Variants in PCDHAC1 observed in about 807,000 individuals in gnomAD.
PCDHAC1 encodes the protein protocadherin alpha-C1.
Under a neutral mutation model 60.0 loss-of-function variants are expected in PCDHAC1, and 42 were observed. The ratio of observed to expected loss-of-function variants is 0.70; its 90% confidence interval spans 0.55 to 0.90. PCDHAC1 has a LOEUF of 0.90. Ranked by LOEUF, PCDHAC1 falls within the 40% of genes least tolerant of loss-of-function variation. The pLI is 0.00. For missense variants in PCDHAC1, 1,160 were observed against 1,222.3 expected, an observed-to-expected ratio of 0.95 and a Z score of 0.76; for synonymous variants, 468 against 499.3, an observed-to-expected ratio of 0.94 and a Z score of 0.84.
rs1554203742 is a variant in PCDHAC1 at position 140,926,854 on chromosome 5, G to A, written c.-39G>A. 10 of 1,520,530 alleles carry A rather than the reference G, an allele frequency of 6.6e-6. No homozygotes were observed. In the South Asian group the frequency reaches 1.3e-4, roughly 20 times the overall value. The allele number at this position is 1,520,530 out of a possible 1,614,324, so 94.2% of individuals were successfully genotyped here. On this transcript the variant is annotated 5_prime_UTR_variant, in exon 1 of 4. The change creates a new upstream start codon in the 5' untranslated region. Transcript: ENST00000253807. Reference sequence around the variant, plus strand: ...GGAGCATGGTCCTGGGTCACCGTTGGTGTAGCGTGTTGGTGGAACGTGGAC... The same window carrying A: ...GGAGCATGGTCCTGGGTCACCGTTGATGTAGCGTGTTGGTGGAACGTGGAC...
intron 1 of PCDHAC1, among the ~76,000 whole-genome samples, chr5:140,933,444 A>T (rs1478759836): frequency 1.3e-5 from 2 of 152,184 alleles, no homozygotes; most frequent in African/African-American, 4.8e-5. Flanking sequence ...CTAATGACAT[A>T]CCTTCAAAAT....
chr5:140,990,754 G>A (rs3822343), intron 3 of PCDHAC1, among the ~76,000 whole-genome samples: 7,419 of 152,246 alleles, frequency 0.049, 237 homozygotes, highest in South Asian at 0.11. Flanking sequence ...GGATACCTTT[G>A]AGCCTGTAAA....
At chr5:141,005,868 G>T (rs1428789229) in intron 3 of PCDHAC1, among the ~76,000 whole-genome samples, 1 of 152,078 alleles carries the variant, frequency 6.6e-6, no homozygotes, top group African/African-American at 2.4e-5. Flanking sequence ...GGTCGATTGA[G>T]TCCAGGAGTT....
chr5:140,941,191 T>TTTCTTTCTTTCTTTC lies in PCDHAC1; in HGVS notation c.2433+11868_2433+11869insCTTTCTTTCTTTCTT, dbSNP rs1487503403. Among the ~76,000 whole-genome samples, 17 of 93,258 alleles carry TTTCTTTCTTTCTTTC rather than the reference T, an allele frequency of 1.8e-4. No individual in the cohort carries two copies. The South Asian group carries it at 2.0e-3, about 11-fold the overall frequency. The allele number at this position is 93,258 out of a possible 152,430, so 61.2% of individuals were successfully genotyped here. A position where few individuals can be genotyped will look rare whatever the true frequency, so the allele number is the denominator to read the frequency against. ...CATCTTGAACATCCTGCTTCTTTTT[T>TTTCTTTCTTTCTTTC]TTTCTTTCTTCCTTTCTTTCTTCCT... On this transcript the variant is annotated intron_variant, in intron 1 of 3. Coordinates refer to ENST00000253807, the MANE Select transcript of PCDHAC1 (RefSeq NM_018898.5).
intron 1 of PCDHAC1, among the ~76,000 whole-genome samples, chr5:140,971,037 TA>T (rs2096453416): frequency 1.3e-5 from 2 of 152,200 alleles, no homozygotes; most frequent in Admixed American, 6.5e-5. Context: ...TGAAAGCACG[TA>T]AAAGGGTTTA....
rs781875497 is a variant in PCDHAC1 at position 140,995,949 on chromosome 5, G to A, written c.2581+13386G>A. Among the ~76,000 whole-genome samples, 8 of 152,160 alleles carry A rather than the reference G, an allele frequency of 5.3e-5. No homozygotes were observed. In the East Asian group the frequency reaches 7.7e-4, roughly 15 times the overall value. ...GTAAGTATTAAATGACATAATGCACGCAAAATGCTTAGAACCATGCTTAGT... is the reference window on the plus strand; with the variant it reads ...GTAAGTATTAAATGACATAATGCACACAAAATGCTTAGAACCATGCTTAGT... On this transcript the variant is annotated intron_variant, in intron 3 of 3. Transcript: ENST00000253807.
chr5:140,954,909 T>C (rs1309101151), intron 1 of PCDHAC1, among the ~76,000 whole-genome samples: 3 of 152,164 alleles, frequency 2.0e-5, no homozygotes, highest in Admixed American at 6.5e-5. Flanking sequence ...TTTCATACTT[T>C]TATGAATTAC....
chr5:140,952,416 G>T (rs114343205), intron 1 of PCDHAC1, among the ~76,000 whole-genome samples: 1 of 151,730 alleles, frequency 6.6e-6, no homozygotes, highest in Non-Finnish European at 1.5e-5. Context: ...TTAATGTTCC[G>T]CAGATTCCTA....
rs2098421123 is a variant in PCDHAC1, at chr5:141,011,585, A to G, written c.*1648A>G. 6.5e-6 allele frequency: 1 copy of G among 153,746 alleles called. No individual in the cohort carries two copies. The highest frequency in any genetic ancestry group is 1.5e-5 in the Non-Finnish European group (1 of 68,036). 9.5% of individuals were successfully genotyped at this position (153,746 alleles called of 1,614,324 possible). ...TAAAATTTCTTTCTTAAATCAAGAT[A>G]CTGGTGATTCAAGGAATTTTATTTA... On this transcript the variant is annotated 3_prime_UTR_variant, in exon 4 of 4. Coordinates refer to ENST00000253807, the MANE Select transcript of PCDHAC1 (RefSeq NM_018898.5).
At chr5:140,940,822 A>G (rs1446773813) in intron 1 of PCDHAC1, among the ~76,000 whole-genome samples, 9 of 152,200 alleles carry the variant, frequency 5.9e-5, no homozygotes, top group Admixed American at 3.9e-4. Context: ...GAGATCTTGG[A>G]TGGAAATACC....
chr5:140,978,295 A>G (rs1222694864), intron 1 of PCDHAC1, among the ~76,000 whole-genome samples: 2 of 152,246 alleles, frequency 1.3e-5, no homozygotes, highest in Non-Finnish European at 2.9e-5. Context: ...GAGGAGGGAA[A>G]GCACTCAGGA....
intron 3 of PCDHAC1, among the ~76,000 whole-genome samples, chr5:140,982,798 T>C (rs1310396823): frequency 2.0e-5 from 3 of 151,768 alleles, no homozygotes; most frequent in African/African-American, 7.3e-5. Flanking sequence ...TGTGTGCATG[T>C]GTGTGTGTGT....
intron 3 of PCDHAC1, among the ~76,000 whole-genome samples, chr5:140,995,267 C>A (rs552857413): frequency 6.6e-6 from 1 of 152,074 alleles, no homozygotes; most frequent in Admixed American, 6.5e-5. Context: ...GAATACAAGC[C>A]CTTTGATACC....
chr5:140,975,752 A>G (rs577986836), intron 1 of PCDHAC1, among the ~76,000 whole-genome samples: 2 of 152,320 alleles, frequency 1.3e-5, no homozygotes, highest in East Asian at 1.9e-4. Flanking sequence ...CAAATATTCT[A>G]TGTCATAAAT....
intron 1 of PCDHAC1, among the ~76,000 whole-genome samples, chr5:140,960,541 C>G (rs1200507322): frequency 6.6e-6 from 1 of 151,924 alleles, no homozygotes; most frequent in African/African-American, 2.4e-5. Context: ...GAAACTGTGG[C>G]CTTCATATAG....
At chr5:140,968,704 G>A (rs782208487) in intron 1 of PCDHAC1, 6 of 1,614,002 alleles carry the variant, frequency 3.7e-6, no homozygotes, top group Admixed American at 1.7e-5. Context: ...GGACTACCAG[G>A]AAGATGGGAG....
In PCDHAC1 at chr5:141,012,200, T is replaced by A. The variant is rs2098423248; in HGVS notation, c.*2263T>A. On this transcript the variant is annotated 3_prime_UTR_variant, in exon 4 of 4. Coordinates refer to ENST00000253807, the MANE Select transcript of PCDHAC1 (RefSeq NM_018898.5). The stretch of plus-strand genomic sequence containing the variant: ...TAATTATAATGTATCTGTACAGCAC[T>A]TTTTACATTTGCGAAGTGCTTTCCA... 6.5e-6 allele frequency: 1 copy of A among 153,778 alleles called. No homozygotes were observed. The highest frequency in any genetic ancestry group is 1.5e-5 in the Non-Finnish European group (1 of 68,048). 9.5% of individuals were successfully genotyped at this position (153,778 alleles called of 1,614,324 possible). A position where few individuals can be genotyped will look rare whatever the true frequency, so the allele number is the denominator to read the frequency against.
chr5:140,967,019 C>T (rs887648506), intron 1 of PCDHAC1: 1 of 1,607,542 alleles, frequency 6.2e-7, no homozygotes, highest in Non-Finnish European at 8.5e-7. Flanking sequence ...TCTGGGTGCG[C>T]CCAGTCCGCG....
rs782372972 is a variant in PCDHAC1 at position 140,929,268 on chromosome 5, AAT to A, written c.2379_2380del (p.Ser794LeufsTer7). 7.4e-6 allele frequency: 12 copies of A among 1,611,594 alleles called. No individual in the cohort carries two copies. The highest frequency in any genetic ancestry group is 1.0e-5 in the Non-Finnish European group (12 of 1,178,194). ...CCACTGGGGTAGGACTGAATTTGCCAATATCCTGTATTCAGATTCGGAATAGG... is the reference window on the plus strand; with the variant it reads ...CCACTGGGGTAGGACTGAATTTGCCAATCCTGTATTCAGATTCGGAATAGG... ...LATGVGLNLP[I>X]SCIQIRNRKG... On this transcript the variant is annotated frameshift_variant, in exon 1 of 4. Coordinates refer to ENST00000253807, the MANE Select transcript of PCDHAC1 (RefSeq NM_018898.5). LOFTEE classifies it high-confidence loss of function.
Sources: allele counts gnomAD v4.1 joint callset (sites outside exome capture counted in the v4.1 genomes callset), GRCh38; gene constraint gnomAD v4.1.1; transcripts MANE v1.5; gene names NCBI Gene and HGNC (gene_info 2026-07-23, HGNC 2026-07-21).